CLHC1: variants seen among roughly 807,000 people sequenced by gnomAD.
CLHC1 encodes the protein clathrin heavy chain linker domain containing 1, also known as clathrin heavy chain linker domain-containing protein 1.
CLHC1 carries 72 observed loss-of-function variants against 69.5 expected under a neutral mutation model. The ratio of observed to expected loss-of-function variants is 1.04; its 90% confidence interval spans 0.86 to 1.26. The LOEUF (loss-of-function observed/expected upper bound fraction) is 1.26. Among genes scored for constraint, CLHC1 ranks in the 50% most tolerant of loss-of-function variants. The pLI is 0.00. For missense variants in CLHC1, 790 were observed against 679.3 expected (o/e 1.16, Z -1.81); for synonymous variants, 223 against 224.3 (o/e 0.99, Z 0.05).
rs1669123394 is a variant in CLHC1, at chr2:55,173,417, G to T, written c.*2373C>A. Among the ~76,000 whole-genome samples the T allele has an allele frequency of 6.6e-6, 1 of 152,204 alleles. No individual in the cohort carries two copies. Among genetic ancestry groups the T allele is most frequent in the Non-Finnish European group, 1.5e-5 (1 of 68,046 alleles). ...ATGTTGTTGATGCTGATGTTGAATT[G>T]TAGTATTTGAAATTTAGGCTGAAGG... On this transcript the variant is annotated 3_prime_UTR_variant, in exon 13 of 13. Coordinates refer to ENST00000401408, the MANE Select transcript of CLHC1 (RefSeq NM_152385.4).
At position 55,181,653 on chromosome 2, in the gene CLHC1, A is replaced by G. The variant is rs1669946178; in HGVS notation, c.1098T>C (p.Asp366=). The change falls in exon 10 of 13, where the codon GAT becomes GAC. Residue 366 remains aspartate (D), a synonymous_variant. Coordinates refer to ENST00000401408, the MANE Select transcript of CLHC1 (RefSeq NM_152385.4). The stretch of plus-strand genomic sequence containing the variant: ...TGATTCCTTCCAGGGTTAGAGCTGC[A>G]TCAACAGGACATGGAAAAGCATGAC... The part of the protein sequence containing the change: ...ITSHAFPCPV[D]AALTLEGIKC... 2 of 1,613,722 alleles carry G rather than the reference A, an allele frequency of 1.2e-6. No homozygotes were observed. Among genetic ancestry groups the G allele is most frequent in the Non-Finnish European group, 1.7e-6 (2 of 1,179,780 alleles).
intron 9 of CLHC1, among the ~76,000 whole-genome samples, chr2:55,187,369 T>C (rs1236410223): frequency 6.6e-6 from 1 of 151,964 alleles, no homozygotes; most frequent in East Asian, 1.9e-4. Flanking sequence ...TCCCAGCACT[T>C]TGGGAGGCCA....
rs546391721 is a variant in CLHC1 at position 55,201,466 on chromosome 2, C to G, written c.1006+4804G>C. 5.9e-5 allele frequency among the ~76,000 whole-genome samples: 9 copies of G among 152,168 alleles called. No individual in the cohort carries two copies. The South Asian group carries it at 1.2e-3, about 21-fold the overall frequency. On this transcript the variant is annotated intron_variant, in intron 9 of 12. Coordinates refer to ENST00000401408, the MANE Select transcript of CLHC1 (RefSeq NM_152385.4). The stretch of plus-strand genomic sequence containing the variant: ...CACATACAACCCACCAATATTGAAC[C>G]ATGAAGAAATCCAAAACCTGAACAG...
At chr2:55,186,762 G>A (rs554248756) in intron 9 of CLHC1, among the ~76,000 whole-genome samples, 1 of 152,184 alleles carries the variant, frequency 6.6e-6, no homozygotes, top group East Asian at 1.9e-4. Flanking sequence ...ATGACAGAGT[G>A]AGACCCTGTC....
rs1340163079 is a variant in CLHC1 at position 55,181,553 on chromosome 2, A to C, written c.1181+17T>G. 1 of 1,556,860 alleles carries C rather than the reference A, an allele frequency of 6.4e-7. No individual in the cohort carries two copies. The highest frequency in any genetic ancestry group is 2.1e-5 in the Admixed American group (1 of 48,674). ...AACGAAATGTCAAAATTAAGTTAAA[A>C]GCTTAACTTTGCTTACCTTTCCTGT... On this transcript the variant is annotated intron_variant, in intron 10 of 12. Coordinates refer to ENST00000401408, the MANE Select transcript of CLHC1 (RefSeq NM_152385.4).
chr2:55,208,470 A>T (rs1672651456), intron 8 of CLHC1, among the ~76,000 whole-genome samples, 156 bp downstream of exon 8: 1 of 152,192 alleles, frequency 6.6e-6, no homozygotes, highest in Non-Finnish European at 1.5e-5. Context: ...AAATTTTTGG[A>T]TTAGGAATGC....
chr2:55,176,013 G>C, intron 12 of CLHC1, 27 bp from the exon 13 acceptor site: 5 of 1,542,502 alleles, frequency 3.2e-6, no homozygotes, highest in Non-Finnish European at 4.5e-6. Context: ...CAATATTATA[G>C]TATGGCACTT....
chr2:55,183,771 C>G (rs1209257182), intron 9 of CLHC1, among the ~76,000 whole-genome samples: 4 of 151,978 alleles, frequency 2.6e-5, no homozygotes, highest in African/African-American at 9.7e-5. Flanking sequence ...ATTAACATTC[C>G]TAGTTTTCTT....
intron 12 of CLHC1, 81 bp downstream of exon 12, chr2:55,177,521 A>T: frequency 1.1e-6 from 1 of 942,294 alleles, no homozygotes; most frequent in Non-Finnish European, 1.5e-6. Flanking sequence ...GGGAAATTTG[A>T]GTTAACTCAT....
Position 55,181,622 on chromosome 2 carries a change from C to T in CLHC1, c.1129G>A (p.Gly377Arg). The change falls in exon 10 of 13, where the codon GGA becomes AGA. Residue 377 changes from glycine to arginine, a missense_variant. Transcript: ENST00000401408. ...AALTLEGIKCGLSEKRLDLVT... is the reference protein window; with the variant it reads ...AALTLEGIKCRLSEKRLDLVT... The stretch of plus-strand genomic sequence containing the variant: ...AAATCTAACCGTTTTTCTGATAATC[C>T]ACATTTGATTCCTTCCAGGGTTAGA... 6.2e-7 allele frequency: 1 copy of T among 1,612,988 alleles called. No homozygotes were observed. Among genetic ancestry groups the T allele is most frequent in the Non-Finnish European group, 8.5e-7 (1 of 1,179,664 alleles).
In CLHC1 at chr2:55,180,641, T is replaced by G. The variant is rs1214075791; in HGVS notation, c.1253A>C (p.Lys418Thr). 1 of 1,614,014 alleles carries G rather than the reference T, an allele frequency of 6.2e-7. No homozygotes were observed. Residue 418 changes from lysine to threonine, a missense_variant, in exon 11 of 13, where the codon AAG becomes ACG. By Grantham distance (78) the Lys-to-Thr change is moderately conservative. Coordinates refer to ENST00000401408, the MANE Select transcript of CLHC1 (RefSeq NM_152385.4). ...YGEQDTYNKAKCLALAQIVYS... is the reference protein window; with the variant it reads ...YGEQDTYNKATCLALAQIVYS... Reference sequence around the variant, plus strand: ...GACAATCTGAGCTAAAGCCAGGCACTTGGCCTTGTTATAAGTATCCTGCTC... The same window carrying G: ...GACAATCTGAGCTAAAGCCAGGCACGTGGCCTTGTTATAAGTATCCTGCTC...
At chr2:55,182,715 G>T (rs1670042768) in intron 9 of CLHC1, among the ~76,000 whole-genome samples, 1 of 152,178 alleles carries the variant, frequency 6.6e-6, no homozygotes, top group Admixed American at 6.5e-5. Context: ...GAGAATTAAA[G>T]TACGAGCAAA....
At chr2:55,194,380 C>A (rs1258547555) in intron 9 of CLHC1, among the ~76,000 whole-genome samples, 3 of 151,862 alleles carry the variant, frequency 2.0e-5, no homozygotes, top group Non-Finnish European at 4.4e-5. Context: ...TCTCAGCAAC[C>A]ATGAATACAA....
At chr2:55,180,347 GCTTA>G (rs1348226744) in intron 11 of CLHC1, among the ~76,000 whole-genome samples, 159 bp downstream of exon 11, 1 of 152,046 alleles carries the variant, frequency 6.6e-6, no homozygotes, top group Non-Finnish European at 1.5e-5. Context: ...ATCAGCTCCA[GCTTA>G]CTATGTTCAT....
At chr2:55,222,103 T>A in intron 3 of CLHC1, 132 bp downstream of exon 3, 1 of 653,454 alleles carries the variant, frequency 1.5e-6, no homozygotes, top group Non-Finnish European at 2.6e-6. Context: ...AGAAATTGGA[T>A]GAACTTCTCA....
At chr2:55,202,807 G>A (rs1672084878) in intron 9 of CLHC1, among the ~76,000 whole-genome samples, 1 of 150,704 alleles carries the variant, frequency 6.6e-6, no homozygotes, top group African/African-American at 2.4e-5. Context: ...GCTGAGGCAG[G>A]AGAATCACTT....
Position 55,212,793 on chromosome 2 carries a change from C to A in CLHC1, c.379G>T (p.Glu127Ter). ...GATTGAATCTTCGAGGAATTACTTT[C>A]GATAATCCTCATTCTGGAAAACAGA... ...IQLEAKMRII[E>*]SNSSKIQSQI... is the part of the protein sequence containing the mutation. Residue 127 changes from glutamate (E) to a stop codon, truncating the protein, a stop_gained, in exon 5 of 13, where the codon GAA becomes TAA. Transcript: ENST00000401408. LOFTEE classifies it high-confidence loss of function. 1 of 1,602,370 alleles carries A rather than the reference C, an allele frequency of 6.2e-7. No homozygotes were observed. The highest frequency in any genetic ancestry group is 8.5e-7 in the Non-Finnish European group (1 of 1,169,720).
At chr2:55,187,499 G>T (rs1670529998) in intron 9 of CLHC1, among the ~76,000 whole-genome samples, 1 of 151,682 alleles carries the variant, frequency 6.6e-6, no homozygotes, top group Non-Finnish European at 1.5e-5. Flanking sequence ...TCTAGTCCCA[G>T]CTACTCAGTG....
At chr2:55,186,100 T>C (rs758085730) in intron 9 of CLHC1, among the ~76,000 whole-genome samples, 1 of 152,122 alleles carries the variant, frequency 6.6e-6, no homozygotes, top group Non-Finnish European at 1.5e-5. Flanking sequence ...TCTTTCCCTC[T>C]CCTTAGATAA....
Sources: gnomAD v4.1 joint callset for allele counts (sites outside exome capture counted in the v4.1 genomes callset) on GRCh38, gnomAD v4.1.1 for gene constraint, MANE v1.5 for transcripts, NCBI Gene and HGNC (gene_info 2026-07-23, HGNC 2026-07-21) for gene names.